Variants in TTC28 observed in about 807,000 individuals in gnomAD.
TTC28 encodes the protein tetratricopeptide repeat protein 28.
TTC28 carries 61 observed loss-of-function variants against 198.0 expected under a neutral mutation model. The observed-to-expected ratio is 0.31, with a 90% confidence interval of 0.25 to 0.38. The LOEUF (loss-of-function observed/expected upper bound fraction) is 0.38. Among genes scored for constraint, TTC28 ranks in the 10% least tolerant of loss-of-function variants. The pLI is 1.00. For synonymous variants in TTC28, 1,171 were observed against 1,297.8 expected, an observed-to-expected ratio of 0.90 and a Z score of 2.10; for missense variants, 2,678 against 3,164.0, an observed-to-expected ratio of 0.85 and a Z score of 3.69.
intron 2 of TTC28, among the ~76,000 whole-genome samples, chr22:28,495,786 GA>G (rs2048446659): frequency 6.6e-6 from 1 of 152,080 alleles, no homozygotes; most frequent in Admixed American, 6.5e-5. Context: ...TCCTGTGTTT[GA>G]ACATATTAAT....
At position 27,981,229 on chromosome 22, in the gene TTC28, AATTTTTTTTTTTTT is replaced by A. The variant is rs984697061; in HGVS notation, c.*978_*991del. ...CTGGTTAAATCTAGTTAGCCATGGA[AATTTTTTTTTTTTT>A]TTTTTTTTTTTTTTTTTTTTTTTTG... is the stretch of plus-strand genomic sequence containing the variant. On this transcript the variant is annotated 3_prime_UTR_variant, in exon 23 of 23. Transcript: ENST00000397906. 2 of 72,686 alleles carry A rather than the reference AATTTTTTTTTTTTT, an allele frequency of 2.8e-5. No homozygotes were observed. Among genetic ancestry groups the A allele is most frequent in the African/African-American group, 9.8e-5 (2 of 20,420 alleles). 4.5% of individuals were successfully genotyped at this position (72,686 alleles called of 1,614,324 possible).
intron 6 of TTC28, among the ~76,000 whole-genome samples, chr22:28,145,283 C>T (rs1197100145): frequency 6.6e-6 from 1 of 152,096 alleles, no homozygotes; most frequent in Non-Finnish European, 1.5e-5. Context: ...TTACACATCA[C>T]AAAACTGAGG....
chr22:28,083,445 A>C (rs928170535), intron 12 of TTC28, among the ~76,000 whole-genome samples: 11 of 152,226 alleles, frequency 7.2e-5, no homozygotes, highest in African/African-American at 2.4e-4. Flanking sequence ...AATTACAAAA[A>C]AGTTTCTTCC....
chr22:28,252,853 C>T (rs1930622950), intron 5 of TTC28, among the ~76,000 whole-genome samples: 1 of 152,140 alleles, frequency 6.6e-6, no homozygotes, highest in African/African-American at 2.4e-5. Flanking sequence ...CCAAATGTAG[C>T]AGGCCCAAAA....
intron 2 of TTC28, among the ~76,000 whole-genome samples, chr22:28,511,117 A>C (rs551811967): frequency 1.3e-5 from 2 of 152,352 alleles, no homozygotes; most frequent in African/African-American, 4.8e-5. Context: ...TATTCCTATC[A>C]AACTACCACG....
chr22:27,978,887 G>C lies in TTC28; in HGVS notation c.*3334C>G, dbSNP rs1290085854. The C allele has an allele frequency of 6.6e-6, 1 of 152,258 alleles. No individual in the cohort carries two copies. Among genetic ancestry groups the C allele is most frequent in the African/African-American group, 2.4e-5 (1 of 41,472 alleles). 9.4% of individuals were successfully genotyped at this position (152,258 alleles called of 1,614,324 possible). ...AGTCATTGTATTTACATCTGATGGA[G>C]TAGCAGAGGGTGGGGCATGCCAGTT... On this transcript the variant is annotated 3_prime_UTR_variant, in exon 23 of 23. Transcript: ENST00000397906.
intron 5 of TTC28, among the ~76,000 whole-genome samples, chr22:28,227,080 A>G (rs1928402496): frequency 6.6e-6 from 1 of 152,090 alleles, no homozygotes; most frequent in African/African-American, 2.4e-5. Context: ...GCACACCTCC[A>G]TGCTCGGCTA....
At chr22:28,671,549 G>A (rs1330401037) in intron 1 of TTC28, among the ~76,000 whole-genome samples, 1 of 151,110 alleles carries the variant, frequency 6.6e-6, no homozygotes, top group Non-Finnish European at 1.5e-5. Flanking sequence ...GCAGGAGAAT[G>A]GCGTGAACCC....
chr22:28,529,808 C>A (rs1186762064), intron 2 of TTC28, among the ~76,000 whole-genome samples: 1 of 152,156 alleles, frequency 6.6e-6, no homozygotes, highest in Non-Finnish European at 1.5e-5. Context: ...GGAGTGGACT[C>A]CAGCAAACTC....
intron 5 of TTC28, among the ~76,000 whole-genome samples, chr22:28,177,338 CA>C (rs1923261028): frequency 6.6e-6 from 1 of 152,044 alleles, no homozygotes; most frequent in Non-Finnish European, 1.5e-5. Flanking sequence ...AGCTAAAATC[CA>C]AAAGAACTGA....
intron 2 of TTC28, among the ~76,000 whole-genome samples, chr22:28,554,445 T>C (rs1210632557): frequency 6.6e-6 from 1 of 150,956 alleles, no homozygotes; most frequent in Non-Finnish European, 1.5e-5. Flanking sequence ...GAAGACAACA[T>C]TGGAAAAACC....
intron 6 of TTC28, among the ~76,000 whole-genome samples, chr22:28,125,597 A>AAAACTTT (rs1209887964): frequency 1.3e-5 from 2 of 152,252 alleles, no homozygotes; most frequent in Non-Finnish European, 2.9e-5. Flanking sequence ...AACACAAAAC[A>AAAACTTT]GTACAGATCA....
rs551122692 is a variant in TTC28, at chr22:28,101,534, A to AT, written c.3308-255dup. Among the ~76,000 whole-genome samples, 15 of 151,948 alleles carry AT rather than the reference A, an allele frequency of 9.9e-5. No homozygotes were observed. The East Asian group carries it at 1.9e-3, about 20-fold the overall frequency. On this transcript the variant is annotated intron_variant, in intron 8 of 22. Transcript: ENST00000397906. ...CCACCACAACCCGGCTGGCTTTTGT[A>AT]TTTTTTGGTACGGACAGGGTTTCAC...
At chr22:28,062,671 TTTTC>T (rs1281810551) in intron 12 of TTC28, among the ~76,000 whole-genome samples, 4 of 152,074 alleles carry the variant, frequency 2.6e-5, no homozygotes, top group Non-Finnish European at 4.4e-5. Context: ...AAGTTCATTG[TTTTC>T]TTTGTCATTT....
Position 27,983,167 on chromosome 22 carries a change from A to G in TTC28, c.6500T>C (p.Leu2167Pro). 1 of 1,551,846 alleles carries G rather than the reference A, an allele frequency of 6.4e-7. No individual in the cohort carries two copies. The highest frequency in any genetic ancestry group is 8.7e-7 in the Non-Finnish European group (1 of 1,147,018). ...LDPQELAQKI[L>P]EETQSHLIAV... ...AATGAGATGACTCTGTGTCTCCTCC[A>G]GAATTTTCTGGGCTAACTCTTGTGG... Residue 2167 changes from leucine (L) to proline (P), a missense_variant, in exon 23 of 23, where the codon CTG becomes CCG. This residue lies in a region of TTC28 where 622 missense variants were observed against 656.0 expected (regional missense o/e 0.95). Transcript: ENST00000397906.
rs769261507 is a variant in TTC28, at chr22:28,030,288, G to C, written c.4011C>G (p.Leu1337=). 1.9e-5 allele frequency: 29 copies of C among 1,551,660 alleles called. No homozygotes were observed. Among genetic ancestry groups the C allele is most frequent in the Non-Finnish European group, 2.5e-5 (29 of 1,147,022 alleles). Residue 1337 remains leucine (L), a synonymous_variant, in exon 13 of 23, where the codon CTC becomes CTG. Transcript: ENST00000397906. ...DQQFEEMNNK[L]NSVTDPTGFL... ...AGCCAGTGGGGTCAGTGACCGAGTT[G>C]AGTTTGTTGTTCATCTCTTCAAATT...
intron 1 of TTC28, among the ~76,000 whole-genome samples, chr22:28,632,253 C>CA (rs2051185987): frequency 2.0e-5 from 1 of 49,670 alleles, no homozygotes; most frequent in Non-Finnish European, 3.5e-5. Flanking sequence ...TTATATTCAA[C>CA]TTTTTTTTTT....
chr22:28,655,506 G>A lies in TTC28; in HGVS notation c.102+24116C>T, dbSNP rs187171524. On this transcript the variant is annotated intron_variant, in intron 1 of 22. Coordinates refer to ENST00000397906, the MANE Select transcript of TTC28 (RefSeq NM_001145418.2). ...TATTATCAGTGTCTATAAAATTCAC[G>A]TTGTCCCTAAGATGTTACTTTATCA... is the stretch of plus-strand genomic sequence containing the variant. Among the ~76,000 whole-genome samples, 22 of 152,182 alleles carry A rather than the reference G, an allele frequency of 1.4e-4. No homozygotes were observed. The East Asian group carries it at 3.5e-3, about 24-fold the overall frequency.
intron 2 of TTC28, among the ~76,000 whole-genome samples, chr22:28,512,173 G>A (rs2048698166): frequency 6.6e-6 from 1 of 151,518 alleles, no homozygotes; most frequent in African/African-American, 2.4e-5. Context: ...CATACATGAG[G>A]CCAACGAACA....
Sources: allele counts gnomAD v4.1 joint callset (sites outside exome capture counted in the v4.1 genomes callset), GRCh38; gene constraint gnomAD v4.1.1; regional missense constraint gnomAD v4.1.1; transcripts MANE v1.5; gene names NCBI Gene and HGNC (gene_info 2026-07-23, HGNC 2026-07-21).